PIK3C2B: variants seen among roughly 807,000 people sequenced by gnomAD.
The protein encoded by PIK3C2B is phosphatidylinositol 4-phosphate 3-kinase C2 domain-containing subunit beta.
PIK3C2B carries 83 observed loss-of-function variants against 184.3 expected under a neutral mutation model. The ratio of observed to expected loss-of-function variants is 0.45; its 90% CI spans 0.38 to 0.54. The LOEUF (loss-of-function observed/expected upper bound fraction) is 0.54. PIK3C2B is among the 20% of genes least tolerant of loss of function. The pLI, the probability that PIK3C2B is intolerant of heterozygous loss-of-function variation, is 0.00. For synonymous variants in PIK3C2B, 779 were observed against 837.6 expected (o/e 0.93, Z 1.21); for missense variants, 1,736 against 2,113.5 (o/e 0.82, Z 3.50).
chr1:204,428,149 A>G lies in PIK3C2B; in HGVS notation c.4470T>C (p.Pro1490=). 1 of 1,605,906 alleles carries G rather than the reference A, an allele frequency of 6.2e-7. No individual in the cohort carries two copies. The highest frequency in any genetic ancestry group is 8.5e-7 in the Non-Finnish European group (1 of 1,172,684). The change falls in exon 30 of 33, where the codon CCT becomes CCC. Residue 1490 remains proline, a synonymous_variant. Transcript: ENST00000684373. ...DEKAMGTSPA[P]KSSDGTWARP... is the part of the protein sequence containing the mutation. The stretch of plus-strand genomic sequence containing the variant: ...GAGAAGATACTGTACCTGAGGACTT[A>G]GGAGCTGGGCTGGTGCCCATAGCCT...
rs1452981179 is a variant in PIK3C2B at position 204,454,670 on chromosome 1, G to A, written c.2065C>T (p.Gln689Ter). The A allele has an allele frequency of 6.2e-7, 1 of 1,612,076 alleles. No individual in the cohort carries two copies. Among genetic ancestry groups the A allele is most frequent in the African/African-American group, 1.3e-5 (1 of 74,864 alleles). Reference protein sequence around the residue: ...YLFHLIVWDQQICFPVQVNRL... With the variant: ...YLFHLIVWDQ ...CTGAAGCCTGGGGGAAGGGCTTACT[G>A]CTGGTCCCAGACGATGAGGTGGAAG... Residue 689 changes from glutamine to a stop codon, truncating the protein, a stop_gained and splice_region_variant, in exon 12 of 33, where the codon CAG (glutamine) becomes TAG (stop). Transcript: ENST00000684373. LOFTEE classifies it high-confidence loss of function.
chr1:204,444,536 GC>G, intron 16 of PIK3C2B, 112 bp from the exon 17 acceptor site: 1 of 710,510 alleles, frequency 1.4e-6, no homozygotes. Flanking sequence ...AAATGCAATG[GC>G]CCTAGATTCT....
rs755006589 is a variant in PIK3C2B, at chr1:204,447,477, C to G, written c.2448G>C (p.Gln816His). The stretch of plus-strand genomic sequence containing the variant: ...TCTGCATGATGTCTTTAAGCTTGCG[C>G]TGGTCTTCTTCCCGGAGGCTGCCAA... ...YEFGSLREED[Q>H]RKLKDIMQKE... The change falls in exon 15 of 33, where the codon CAG (glutamine) becomes CAC (histidine). Residue 816 changes from glutamine (Q) to histidine (H), a missense_variant. Gln to His is a conservative substitution (Grantham distance 24). Transcript: ENST00000684373. The surrounding 1 kb of genome is among the most constrained non-coding windows in gnomAD (Gnocchi z 4.1). The G allele has an allele frequency of 4.3e-6, 7 of 1,613,824 alleles. No individual in the cohort carries two copies. The South Asian group carries it at 6.6e-5, about 15-fold the overall frequency.
intron 4 of PIK3C2B, 77 bp from the exon 5 acceptor site, chr1:204,464,209 C>T (rs1655562884): frequency 2.0e-6 from 3 of 1,519,408 alleles, no homozygotes; most frequent in Non-Finnish European, 2.7e-6. Context: ...ACCCTGATCC[C>T]CCTTTCCAGC....
chr1:204,443,409 C>T lies in PIK3C2B; in HGVS notation c.3048+8G>A, dbSNP rs1262029356. 22 of 1,612,812 alleles carry T rather than the reference C, an allele frequency of 1.4e-5. No individual in the cohort carries two copies. The highest frequency in any genetic ancestry group is 6.7e-5 in the Admixed American group (4 of 59,992). On this transcript the variant is annotated splice_region_variant and intron_variant, in intron 19 of 32. Transcript: ENST00000684373. ...AGAAATGGGTAGGGGCAGCCTCACC[C>T]CACTAACCTGCCTTGCAGATGGGGC...
Position 204,424,752 on chromosome 1 carries a change from C to G in PIK3C2B, c.*100G>C. The G allele has an allele frequency of 8.0e-7, 1 of 1,246,994 alleles. No homozygotes were observed. Among genetic ancestry groups the G allele is most frequent in the Admixed American group, 1.7e-5 (1 of 59,568 alleles). 77.2% of individuals were successfully genotyped at this position (1,246,994 alleles called of 1,614,324 possible). A position where few individuals can be genotyped will look rare whatever the true frequency, so the allele number is the denominator to read the frequency against. On this transcript the variant is annotated 3_prime_UTR_variant, in exon 33 of 33. Coordinates refer to ENST00000684373, the MANE Select transcript of PIK3C2B (RefSeq NM_001377334.1). The stretch of plus-strand genomic sequence containing the variant: ...ACCTGGACCGAGCTGGAGGCCTGCC[C>G]AGGGCCCTGGCCCTTCACAAGGAGG...
At chr1:204,464,382 G>GC (rs1655577811) in intron 4 of PIK3C2B, 68 bp downstream of exon 4, 7 of 858,128 alleles carry the variant, frequency 8.2e-6, no homozygotes, top group Non-Finnish European at 1.2e-5. Context: ...TGGAAATCGA[G>GC]TCAAAACACA....
intron 30 of PIK3C2B, 113 bp from the exon 31 acceptor site, chr1:204,427,867 G>A: frequency 1.3e-6 from 1 of 750,574 alleles, no homozygotes; most frequent in Non-Finnish European, 2.3e-6. Flanking sequence ...TACTCATGAG[G>A]CATCTACATA....
At chr1:204,456,900 A>ACACACACACACACC (rs1654899585) in intron 10 of PIK3C2B, 137 bp downstream of exon 10, 1 of 395,546 alleles carries the variant, frequency 2.5e-6, no homozygotes, top group Non-Finnish European at 4.5e-6. Flanking sequence ...ACACACACAC[A>ACACACACACACACC]CACACACCCA....
chr1:204,458,553 G>A (rs1231734143), intron 8 of PIK3C2B, among the ~76,000 whole-genome samples: 1 of 151,314 alleles, frequency 6.6e-6, no homozygotes, highest in Non-Finnish European at 1.5e-5. Flanking sequence ...GAGTGCAATG[G>A]CGCGATCTCG....
chr1:204,451,531 A>T (rs181374128), intron 12 of PIK3C2B, among the ~76,000 whole-genome samples: 236 of 152,174 alleles, frequency 1.6e-3, no homozygotes, highest in African/African-American at 5.4e-3. Context: ...CCATTCAACA[A>T]CCTCATATCA....
At chr1:204,437,405 G>A (rs1042319155) in intron 23 of PIK3C2B, among the ~76,000 whole-genome samples, 1 of 152,218 alleles carries the variant, frequency 6.6e-6, no homozygotes. Context: ...TGAGGCAGGA[G>A]AATCGCTTGA....
In PIK3C2B at chr1:204,446,153, C is replaced by T; in HGVS notation, c.2490-9G>A. Reference sequence around the variant, plus strand: ...TGTCAGCATCAGTGAGCCTGGTGGGCACACGGAAAGGAGAAGGTGGTGGGA... The same window carrying T: ...TGTCAGCATCAGTGAGCCTGGTGGGTACACGGAAAGGAGAAGGTGGTGGGA... On this transcript the variant is annotated splice_polypyrimidine_tract_variant and intron_variant, in intron 15 of 32. Coordinates refer to ENST00000684373, the MANE Select transcript of PIK3C2B (RefSeq NM_001377334.1). 6.5e-7 allele frequency: 1 copy of T among 1,537,076 alleles called. No individual in the cohort carries two copies. The highest frequency in any genetic ancestry group is 8.8e-7 in the Non-Finnish European group (1 of 1,135,150).
intron 9 of PIK3C2B, 114 bp downstream of exon 9, chr1:204,457,614 G>A (rs988286742): frequency 4.8e-5 from 47 of 975,122 alleles, no homozygotes; most frequent in Non-Finnish European, 6.7e-5. Flanking sequence ...GATGGAGGTG[G>A]AGAGAAGCCC....
rs1368106894 is a variant in PIK3C2B, at chr1:204,425,627, T to C, written c.4702A>G (p.Thr1568Ala). The C allele has an allele frequency of 6.2e-7, 1 of 1,613,896 alleles. No homozygotes were observed. The highest frequency in any genetic ancestry group is 8.5e-7 in the Non-Finnish European group (1 of 1,179,984). ...TCCCCACCCACCATCTCATTGTAGG[T>C]AGGATTGCAGGTTTTCCGGGCCACT... ...TKVARKTCNP[T>A]YNEMLVYDGI... Residue 1568 changes from threonine (T) to alanine (A), a missense_variant, in exon 32 of 33, where the codon ACC (threonine) becomes GCC (alanine). By Grantham distance (58) the Thr-to-Ala change is moderately conservative. Around this residue, in one of 8 missense-constraint regions of PIK3C2B, gnomAD observed 95 missense variants for 164.2 expected, o/e 0.58. Coordinates refer to ENST00000684373, the MANE Select transcript of PIK3C2B (RefSeq NM_001377334.1).
chr1:204,462,033 G>A (rs528521363), intron 5 of PIK3C2B, among the ~76,000 whole-genome samples: 5 of 152,282 alleles, frequency 3.3e-5, no homozygotes, highest in Admixed American at 6.5e-5. Flanking sequence ...AGACAGCATT[G>A]TGCTTTTCTG....
Position 204,464,053 on chromosome 1 carries a change from G to A in PIK3C2B, c.1269C>T (p.Asp423=), listed in dbSNP as rs574179359. Residue 423 remains aspartate (D), a synonymous_variant, in exon 5 of 33, where the codon GAC becomes GAT. Coordinates refer to ENST00000684373, the MANE Select transcript of PIK3C2B (RefSeq NM_001377334.1). ...CCAGCCCGCAGGGCTTTAGCACAAA[G>A]TCACCCACGTCCACATTCCTCAGGT... is the stretch of plus-strand genomic sequence containing the variant. The part of the protein sequence containing the change: ...HDDLRNVDVG[D]FVLKPCGLEE... 2 of 1,614,170 alleles carry A rather than the reference G, an allele frequency of 1.2e-6. No individual in the cohort carries two copies. The highest frequency in any genetic ancestry group is 3.3e-5 in the Admixed American group (2 of 60,022).
rs533581042 is a variant in PIK3C2B, at chr1:204,425,623, T to C, written c.4706A>G (p.Tyr1569Cys). The change falls in exon 32 of 33, where the codon TAC (tyrosine) becomes TGC (cysteine). Residue 1569 changes from tyrosine to cysteine, a missense_variant. This residue lies in a region of PIK3C2B where 95 missense variants were observed against 164.2 expected (regional missense o/e 0.58). Coordinates refer to ENST00000684373, the MANE Select transcript of PIK3C2B (RefSeq NM_001377334.1). ...KVARKTCNPT[Y>C]NEMLVYDGIP... ...ATTTTCCCCACCCACCATCTCATTG[T>C]AGGTAGGATTGCAGGTTTTCCGGGC... 1.2e-6 allele frequency: 2 copies of C among 1,613,962 alleles called. No homozygotes were observed. The highest frequency in any genetic ancestry group is 1.3e-5 in the African/African-American group (1 of 74,998).
At chr1:204,491,710 T>C (rs1658026888) in intron 1 of PIK3C2B, among the ~76,000 whole-genome samples, 2 of 152,154 alleles carry the variant, frequency 1.3e-5, no homozygotes, top group African/African-American at 2.4e-5. Context: ...TCCCTTTCTG[T>C]TCTCCCAAGA....
Sources: allele counts gnomAD v4.1 joint callset (sites outside exome capture counted in the v4.1 genomes callset), GRCh38; gene constraint gnomAD v4.1.1; regional missense constraint gnomAD v4.1.1; non-coding constraint Gnocchi (gnomAD v3.1); transcripts MANE v1.5; gene names NCBI Gene and HGNC (gene_info 2026-07-23, HGNC 2026-07-21).